The following RPTOR variants were observed in gnomAD, a reference collection of about 807,000 sequenced individuals.
RPTOR encodes regulatory-associated protein of mTOR.
A neutral mutation model predicts 169.9 loss-of-function variants in RPTOR; 21 were observed. The observed-to-expected ratio is 0.12, with a 90% CI of 0.09 to 0.18. RPTOR has a LOEUF of 0.18. RPTOR is among the 10% of genes least tolerant of loss of function. The pLI is 1.00. For synonymous variants in RPTOR, 732 were observed against 753.2 expected (o/e 0.97, Z 0.46); for missense variants, 1,133 against 1,855.9 (o/e 0.61, Z 7.16).
intron 6 of RPTOR, among the ~76,000 whole-genome samples, chr17:80,789,884 TGA>T (rs2067029901): frequency 6.6e-6 from 1 of 152,232 alleles, no homozygotes; most frequent in African/African-American, 2.4e-5. Context: ...GGCAAAAGGA[TGA>T]GTCTGATATA....
chr17:80,891,530 T>G (rs1292190963), intron 17 of RPTOR, among the ~76,000 whole-genome samples, 190 bp from the exon 18 acceptor site: 1 of 152,254 alleles, frequency 6.6e-6, no homozygotes, highest in Non-Finnish European at 1.5e-5. Flanking sequence ...TGGCCTGCCG[T>G]CTCCCAGCAC....
intron 25 of RPTOR, 108 bp downstream of exon 25, chr17:80,940,709 C>A: frequency 1.2e-6 from 1 of 862,608 alleles, no homozygotes; most frequent in Non-Finnish European, 1.8e-6. Context: ...CTTCTCCAGC[C>A]ATCCACTGTC....
rs574090058 is a variant in RPTOR at position 80,733,875 on chromosome 17, T to C, written c.654+3169T>C. Among the ~76,000 whole-genome samples, 96 of 152,380 alleles carry C rather than the reference T, an allele frequency of 6.3e-4. 2 individuals carry two copies. In the South Asian group the frequency reaches 0.018, roughly 29 times the overall value. On this transcript the variant is annotated intron_variant, in intron 5 of 33. Coordinates refer to ENST00000306801, the MANE Select transcript of RPTOR (RefSeq NM_020761.3). ...GTGGTTTCAAGTAATATCCTTATGC[T>C]TTTATTTCTAGTTTTATCAGTAATA...
intron 9 of RPTOR, among the ~76,000 whole-genome samples, chr17:80,832,818 GAATA>G (rs1440731404): frequency 6.6e-6 from 1 of 152,196 alleles, no homozygotes; most frequent in African/African-American, 2.4e-5. Flanking sequence ...AGAGCATTTG[GAATA>G]AATAATGTAC....
chr17:80,575,564 G>GTGCACACGTGTGCATACATGCA (rs2064955373), intron 1 of RPTOR, among the ~76,000 whole-genome samples: 1 of 152,178 alleles, frequency 6.6e-6, no homozygotes, highest in Non-Finnish European at 1.5e-5. Flanking sequence ...GCACCGCTGT[G>GTGCACACGTGTGCATACATGCA]TGCACACGTG....
chr17:80,963,352 A>G (rs541035212), intron 33 of RPTOR, among the ~76,000 whole-genome samples: 2 of 152,096 alleles, frequency 1.3e-5, no homozygotes, highest in South Asian at 2.1e-4. Context: ...GGGGACCTCC[A>G]GGAGAGTCGC....
intron 9 of RPTOR, among the ~76,000 whole-genome samples, chr17:80,832,816 T>C (rs1206739661): frequency 6.6e-6 from 1 of 152,170 alleles, no homozygotes; most frequent in Non-Finnish European, 1.5e-5. Context: ...AAAGAGCATT[T>C]GGAATAAATA....
intron 8 of RPTOR, 47 bp downstream of exon 8, chr17:80,822,348 G>T (rs1305776119): frequency 4.5e-6 from 7 of 1,568,734 alleles, no homozygotes; most frequent in Non-Finnish European, 6.1e-6. Flanking sequence ...GGCCTTGAGT[G>T]CGCGGGGAGC....
chr17:80,700,736 G>GTGATGGTGATGGTAGAGATGGTGA (rs1598236297), intron 3 of RPTOR, among the ~76,000 whole-genome samples: 6 of 48,174 alleles, frequency 1.2e-4, no homozygotes, highest in Non-Finnish European at 2.2e-4. Context: ...GGTGATGATG[G>GTGATGGTGATGGTAGAGATGGTGA]TGGTGGTGGT....
intron 2 of RPTOR, among the ~76,000 whole-genome samples, chr17:80,634,280 GTGTGTGTGCGTACTGTGTGTGTGCGTAC>G (rs2065469805): frequency 6.9e-6 from 1 of 145,010 alleles, no homozygotes; most frequent in African/African-American, 2.8e-5. Context: ...TGTGCGTACT[GTGTGTGTGCGTACTGTGTGTGTGCGTAC>G]TGTGCGTGTG....
intron 8 of RPTOR, among the ~76,000 whole-genome samples, chr17:80,822,532 G>A (rs1189342522): frequency 1.3e-5 from 2 of 152,242 alleles, no homozygotes; most frequent in African/African-American, 2.4e-5. Flanking sequence ...GCGTGTCAGC[G>A]CTGGCCCTGA....
chr17:80,905,412 C>T (rs56096260), intron 20 of RPTOR, among the ~76,000 whole-genome samples: 4,772 of 147,220 alleles, frequency 0.032, 232 homozygotes, highest in African/African-American at 0.11. Context: ...CGGTGAAACC[C>T]GTCTCTACTA....
At chr17:80,781,728 T>C (rs1375443086) in intron 6 of RPTOR, among the ~76,000 whole-genome samples, 1 of 152,234 alleles carries the variant, frequency 6.6e-6, no homozygotes, top group African/African-American at 2.4e-5. Context: ...GAAACCTCCT[T>C]ATAGGGAGAG....
chr17:80,551,956 T>C (rs148759820), intron 1 of RPTOR, among the ~76,000 whole-genome samples: 1 of 152,320 alleles, frequency 6.6e-6, no homozygotes, highest in African/African-American at 2.4e-5. Context: ...CCTTCAAGCA[T>C]CTGTTTAACA....
At chr17:80,921,892 C>T (rs1253024503) in intron 21 of RPTOR, among the ~76,000 whole-genome samples, 4 of 152,290 alleles carry the variant, frequency 2.6e-5, no homozygotes, top group South Asian at 2.1e-4. Flanking sequence ...GAAGGTTCCC[C>T]GTCCATGCAG....
chr17:80,920,088 C>T (rs1273193828), intron 21 of RPTOR, among the ~76,000 whole-genome samples: 1 of 152,222 alleles, frequency 6.6e-6, no homozygotes, highest in Non-Finnish European at 1.5e-5. Flanking sequence ...AAGATGGTGG[C>T]AGGGACCAGC....
At chr17:80,663,943 C>G (rs552625798) in intron 3 of RPTOR, among the ~76,000 whole-genome samples, 1 of 152,290 alleles carries the variant, frequency 6.6e-6, no homozygotes, top group South Asian at 2.1e-4. Flanking sequence ...GATCTGGGTC[C>G]TCAGGCTCCC....
chr17:80,953,782 G>A lies in RPTOR; in HGVS notation c.3371-3842G>A, dbSNP rs1475975097. 2.0e-5 allele frequency among the ~76,000 whole-genome samples: 3 copies of A among 152,256 alleles called. No individual in the cohort carries two copies. The East Asian group carries it at 5.8e-4, about 29-fold the overall frequency. ...TGTTGGCTGCACAGCTGCAGCAGGAGCTGGGCTCTTCTGGGCAGAAACGGG... is the reference window on the plus strand; with the variant it reads ...TGTTGGCTGCACAGCTGCAGCAGGAACTGGGCTCTTCTGGGCAGAAACGGG... On this transcript the variant is annotated intron_variant, in intron 28 of 33. Coordinates refer to ENST00000306801, the MANE Select transcript of RPTOR (RefSeq NM_020761.3).
chr17:80,717,800 G>A (rs998834781), intron 4 of RPTOR, among the ~76,000 whole-genome samples: 2 of 152,170 alleles, frequency 1.3e-5, no homozygotes, highest in African/African-American at 4.8e-5. Flanking sequence ...TGAGGTTCAG[G>A]CCTTAAGCAA....
Sources: allele counts gnomAD v4.1 joint callset (sites outside exome capture counted in the v4.1 genomes callset), GRCh38; gene constraint gnomAD v4.1.1; transcripts MANE v1.5; gene names NCBI Gene and HGNC (gene_info 2026-07-23, HGNC 2026-07-21).